The following ITPR1 variants were observed in gnomAD, a reference collection of about 807,000 sequenced individuals.
ITPR1 encodes the protein inositol 1,4,5-trisphosphate-gated calcium channel ITPR1.
ITPR1 carries 96 observed loss-of-function variants against 318.4 expected under a neutral mutation model. That is an observed-to-expected ratio of 0.30 (90% CI 0.26 to 0.36). ITPR1 has a LOEUF of 0.36. Ranked by LOEUF, ITPR1 falls within the 10% of genes least tolerant of loss-of-function variation. The pLI is 1.00. For missense variants in ITPR1, 2,440 were observed against 3,460.2 expected (o/e 0.71, Z 7.40); for synonymous variants, 1,312 against 1,289.9 (o/e 1.02, Z -0.37).
chr3:4,582,125 G>A (rs2089414834), intron 4 of ITPR1, among the ~76,000 whole-genome samples: 1 of 152,062 alleles, frequency 6.6e-6, no homozygotes, highest in Non-Finnish European at 1.5e-5. Flanking sequence ...CCTCAGTGTT[G>A]TTACCAAGAA....
intron 10 of ITPR1, among the ~76,000 whole-genome samples, chr3:4,646,713 G>A (rs997024596): frequency 2.0e-5 from 3 of 152,158 alleles, no homozygotes; most frequent in African/African-American, 7.2e-5. Context: ...GACAAAGAAG[G>A]AAATGTTCTG....
At chr3:4,532,293 A>G (rs1374408684) in intron 4 of ITPR1, among the ~76,000 whole-genome samples, 2 of 152,222 alleles carry the variant, frequency 1.3e-5, no homozygotes, top group African/African-American at 4.8e-5. Context: ...ACCACCTGGA[A>G]TCTTGTTAAA....
chr3:4,768,337 C>G lies in ITPR1; in HGVS notation c.5726-174C>G, dbSNP rs188367422. 5 of 652,870 alleles carry G rather than the reference C, an allele frequency of 7.7e-6. No individual in the cohort carries two copies. The South Asian group carries it at 1.4e-4, about 18-fold the overall frequency. The allele number at this position is 652,870 out of a possible 1,614,324, so 40.4% of individuals were successfully genotyped here. On this transcript the variant is annotated intron_variant, in intron 45 of 61. Coordinates refer to ENST00000649015, the MANE Select transcript of ITPR1 (RefSeq NM_001378452.1). ...ACAAGTAAGGTGGCAGGGCCTGGCTCGGTTTTAATCCTGTCTGAGGACTGA... is the reference window on the plus strand; with the variant it reads ...ACAAGTAAGGTGGCAGGGCCTGGCTGGGTTTTAATCCTGTCTGAGGACTGA...
chr3:4,771,182 A>G (rs2046163866), intron 46 of ITPR1, among the ~76,000 whole-genome samples: 1 of 152,190 alleles, frequency 6.6e-6, no homozygotes, highest in Admixed American at 6.5e-5. Context: ...CCCAGCACCC[A>G]TGGTGACAGG....
intron 55 of ITPR1, among the ~76,000 whole-genome samples, chr3:4,809,883 A>G (rs1011432940): frequency 6.6e-6 from 1 of 152,200 alleles, no homozygotes; most frequent in East Asian, 1.9e-4. Flanking sequence ...ATTAACAGCA[A>G]CACTTTGCCT....
At chr3:4,573,797 A>G (rs1575579146) in intron 4 of ITPR1, among the ~76,000 whole-genome samples, 1 of 152,172 alleles carries the variant, frequency 6.6e-6, no homozygotes, top group South Asian at 2.1e-4. Flanking sequence ...AACTTTTTCT[A>G]TTCTCTTACC....
chr3:4,618,455 T>C (rs2092470461), intron 4 of ITPR1, among the ~76,000 whole-genome samples: 1 of 152,210 alleles, frequency 6.6e-6, no homozygotes, highest in Admixed American at 6.5e-5. Context: ...ATCCTCCCAC[T>C]AGAGTTATGT....
At chr3:4,796,551 T>A (rs1010443397) in intron 53 of ITPR1, among the ~76,000 whole-genome samples, 1 of 152,212 alleles carries the variant, frequency 6.6e-6, no homozygotes, top group Admixed American at 6.5e-5. Context: ...CCTTACCTTG[T>A]CTGTGTTTTC....
intron 44 of ITPR1, among the ~76,000 whole-genome samples, chr3:4,738,513 C>T (rs1379968836): frequency 1.3e-5 from 2 of 152,168 alleles, no homozygotes; most frequent in Non-Finnish European, 2.9e-5. Context: ...CTGGGCTTGG[C>T]ATCGGGATGA....
At chr3:4,806,768 C>G (rs2048580991) in intron 55 of ITPR1, among the ~76,000 whole-genome samples, 1 of 152,082 alleles carries the variant, frequency 6.6e-6, no homozygotes, top group Non-Finnish European at 1.5e-5. Flanking sequence ...TTCAGTAGCT[C>G]ATTTTCCTCC....
intron 34 of ITPR1, 34 bp from the exon 35 acceptor site, chr3:4,699,779 G>A (rs2125260261): frequency 6.2e-7 from 1 of 1,606,466 alleles, no homozygotes; most frequent in Admixed American, 1.7e-5. Context: ...TGTAGGTTTT[G>A]GTGTAATGCT....
At chr3:4,543,950 A>G (rs1238013444) in intron 4 of ITPR1, among the ~76,000 whole-genome samples, 1 of 152,158 alleles carries the variant, frequency 6.6e-6, no homozygotes, top group African/African-American at 2.4e-5. Flanking sequence ...TTGTCACTTC[A>G]TGGTTACAAA....
intron 16 of ITPR1, among the ~76,000 whole-genome samples, chr3:4,664,822 C>T (rs2093912280): frequency 6.6e-6 from 1 of 152,210 alleles, no homozygotes; most frequent in South Asian, 2.1e-4. Flanking sequence ...TGACTGTAAT[C>T]TGTACTGCTA....
At chr3:4,765,757 T>C (rs1575170123) in intron 44 of ITPR1, among the ~76,000 whole-genome samples, 1 of 152,304 alleles carries the variant, frequency 6.6e-6, no homozygotes, top group African/African-American at 2.4e-5. Context: ...CGAATACTCA[T>C]AAATGAAGTT....
In ITPR1 at chr3:4,706,331, A is replaced by C. The variant is rs771319265; in HGVS notation, c.4822A>C (p.Asn1608His). ...TCTGGCAGCTTCCAGAGACTACCGG[A>C]ATATCATTGAGAGATTGCAGGTAAT... ...SVLAASRDYR[N>H]IIERLQDIVS... The change falls in exon 37 of 62, where the codon AAT becomes CAT. Residue 1608 changes from asparagine (N) to histidine (H), a missense_variant. Around this residue, in one of 23 missense-constraint regions of ITPR1, gnomAD observed 166 missense variants for 246.5 expected, o/e 0.67. Coordinates refer to ENST00000649015, the MANE Select transcript of ITPR1 (RefSeq NM_001378452.1). 9 of 1,612,662 alleles carry C rather than the reference A, an allele frequency of 5.6e-6. No homozygotes were observed. The highest frequency in any genetic ancestry group is 5.1e-6 in the Non-Finnish European group (6 of 1,179,002).
At chr3:4,538,165 T>G (rs1268212488) in intron 4 of ITPR1, among the ~76,000 whole-genome samples, 1 of 152,214 alleles carries the variant, frequency 6.6e-6, no homozygotes, top group Non-Finnish European at 1.5e-5. Flanking sequence ...ATAAATTCCC[T>G]TAAAATATTG....
At chr3:4,594,005 T>C (rs2090598468) in intron 4 of ITPR1, among the ~76,000 whole-genome samples, 1 of 152,098 alleles carries the variant, frequency 6.6e-6, no homozygotes, top group Non-Finnish European at 1.5e-5. Flanking sequence ...AGAATCTATG[T>C]GGGAGATATG....
intron 55 of ITPR1, among the ~76,000 whole-genome samples, chr3:4,807,844 C>T (rs2048685977): frequency 6.6e-6 from 1 of 152,348 alleles, no homozygotes; most frequent in South Asian, 2.1e-4. Flanking sequence ...CTCATGCCAT[C>T]ATGTCCCTGG....
intron 4 of ITPR1, among the ~76,000 whole-genome samples, chr3:4,603,643 T>A (rs904701985): frequency 6.6e-6 from 1 of 152,202 alleles, no homozygotes; most frequent in Non-Finnish European, 1.5e-5. Context: ...TTGGACAGGA[T>A]GGTCTTGATT....
Sources: allele counts gnomAD v4.1 joint callset (sites outside exome capture counted in the v4.1 genomes callset), GRCh38; gene constraint gnomAD v4.1.1; regional missense constraint gnomAD v4.1.1; transcripts MANE v1.5; gene names NCBI Gene and HGNC (gene_info 2026-07-23, HGNC 2026-07-21).